The following UBAP2 variants were observed in gnomAD, a reference collection of about 807,000 sequenced individuals.
The protein encoded by UBAP2 is ubiquitin associated protein 2, also known as ubiquitin-associated protein 2.
In UBAP2, 75 loss-of-function variants were observed where a neutral mutation model predicts 139.6. That is an observed-to-expected ratio of 0.54 (90% confidence interval 0.45 to 0.65). The LOEUF (loss-of-function observed/expected upper bound fraction) is 0.65. Ranked by LOEUF, UBAP2 falls within the 30% of genes least tolerant of loss-of-function variation. The pLI, the probability that UBAP2 is intolerant of heterozygous loss-of-function variation, is 0.00. For synonymous variants in UBAP2, 526 were observed against 526.2 expected (o/e 1.00, Z 0.01); for missense variants, 1,368 against 1,369.6 (o/e 1.00, Z 0.02).
chr9:33,927,107 G>GTGAAA, intron 20 of UBAP2, 27 bp from the exon 21 acceptor site: 4 of 1,563,702 alleles, frequency 2.6e-6, no homozygotes, highest in Non-Finnish European at 3.5e-6. Context: ...ATCAAATGGA[G>GTGAAA]TGAAATGGTC....
chr9:34,044,486 G>A (rs1827394589), intron 1 of UBAP2, among the ~76,000 whole-genome samples: 1 of 151,900 alleles, frequency 6.6e-6, no homozygotes, highest in African/African-American at 2.4e-5. Flanking sequence ...AATCACTTAA[G>A]CCAGGGAGGC....
At chr9:33,954,667 T>C (rs1034912429) in intron 11 of UBAP2, among the ~76,000 whole-genome samples, 6 of 152,204 alleles carry the variant, frequency 3.9e-5, no homozygotes, top group Non-Finnish European at 5.9e-5. Context: ...CTCTCCCTTA[T>C]AGACTATAGC....
intron 16 of UBAP2, chr9:33,938,996 CAAGGGACACAAAT>C: frequency 2.4e-6 from 1 of 408,500 alleles, no homozygotes. Context: ...CCAAGACGGA[CAAGGGACACAAAT>C]ATTTTTCTAA....
At chr9:34,012,306 G>T (rs367981723) in intron 2 of UBAP2, among the ~76,000 whole-genome samples, 4 of 152,086 alleles carry the variant, frequency 2.6e-5, no homozygotes, top group Admixed American at 2.6e-4. Flanking sequence ...CAAGGCAGGC[G>T]GATCACCTAA....
At chr9:34,031,685 C>T (rs1050479467) in intron 1 of UBAP2, among the ~76,000 whole-genome samples, 11 of 151,890 alleles carry the variant, frequency 7.2e-5, no homozygotes, top group African/African-American at 2.7e-4. Context: ...GTATGTACCA[C>T]CATGCCCGGC....
chr9:34,017,565 T>A (rs563499158), intron 1 of UBAP2, among the ~76,000 whole-genome samples: 1 of 152,312 alleles, frequency 6.6e-6, no homozygotes, highest in East Asian at 1.9e-4. Flanking sequence ...AATAGCCCAA[T>A]TTAAAATGTG....
intron 8 of UBAP2, among the ~76,000 whole-genome samples, chr9:33,971,078 C>T (rs765018631): frequency 1.8e-4 from 28 of 152,200 alleles, no homozygotes; most frequent in Non-Finnish European, 3.2e-4. Context: ...GCTGGGATTA[C>T]AGGTGTGAGC....
At chr9:33,927,109 G>A in intron 20 of UBAP2, 29 bp from the exon 21 acceptor site, 1 of 1,555,214 alleles carries the variant, frequency 6.4e-7, no homozygotes, top group Non-Finnish European at 8.8e-7. Flanking sequence ...CAAATGGAGT[G>A]AAATGGTCAC....
intron 1 of UBAP2, among the ~76,000 whole-genome samples, chr9:34,018,405 G>A (rs1357066459): frequency 6.6e-6 from 1 of 150,994 alleles, no homozygotes; most frequent in South Asian, 2.1e-4. Context: ...CACTGCTGAT[G>A]GGAATTTAAA....
chr9:34,020,145 A>G lies in UBAP2; in HGVS notation c.-41-2956T>C, dbSNP rs1215629783. 7.2e-5 allele frequency among the ~76,000 whole-genome samples: 10 copies of G among 139,770 alleles called. No homozygotes were observed. In the East Asian group the frequency reaches 1.0e-3, roughly 14 times the overall value. 91.7% of individuals were successfully genotyped at this position (139,770 alleles called of 152,430 possible). On this transcript the variant is annotated intron_variant, in intron 1 of 28. Coordinates refer to ENST00000379238, the MANE Select transcript of UBAP2 (RefSeq NM_001370062.2). ...AGCTTGGGTGACAGAGGGAGACTCC[A>G]TTATTAAAAAAAAAAAAAAAAAAAA...
chr9:34,045,114 G>A (rs1172070915), intron 1 of UBAP2, among the ~76,000 whole-genome samples: 3 of 152,060 alleles, frequency 2.0e-5, no homozygotes, highest in Non-Finnish European at 4.4e-5. Context: ...TTGGGAGGCC[G>A]AGGCGGGCGG....
At chr9:34,037,653 AG>A (rs1203631615) in intron 1 of UBAP2, among the ~76,000 whole-genome samples, 2 of 152,200 alleles carry the variant, frequency 1.3e-5, no homozygotes, top group Non-Finnish European at 2.9e-5. Flanking sequence ...TAACAGCAGT[AG>A]TTATTTCTTG....
chr9:33,958,118 C>T (rs1407563551), intron 10 of UBAP2, among the ~76,000 whole-genome samples: 1 of 152,040 alleles, frequency 6.6e-6, no homozygotes, highest in Admixed American at 6.6e-5. Flanking sequence ...CCTGCCATCA[C>T]ACACAGCTAT....
intron 19 of UBAP2, among the ~76,000 whole-genome samples, chr9:33,929,915 A>G (rs1823815788): frequency 1.3e-5 from 2 of 152,148 alleles, no homozygotes; most frequent in African/African-American, 4.8e-5. Flanking sequence ...GAGGCAGGAG[A>G]ACTGCTTGAA....
At chr9:33,983,439 T>C (rs1197888700) in intron 6 of UBAP2, among the ~76,000 whole-genome samples, 2 of 152,100 alleles carry the variant, frequency 1.3e-5, no homozygotes, top group Non-Finnish European at 2.9e-5. Flanking sequence ...GAAAACCCTC[T>C]CCCTGGTAAG....
chr9:34,028,530 C>T (rs1311293432), intron 1 of UBAP2, among the ~76,000 whole-genome samples: 1 of 152,008 alleles, frequency 6.6e-6, no homozygotes, highest in Non-Finnish European at 1.5e-5. Flanking sequence ...CAGGCACCCG[C>T]CACCACGCCC....
intron 2 of UBAP2, among the ~76,000 whole-genome samples, chr9:34,013,967 T>C (rs995378623): frequency 1.3e-5 from 2 of 151,862 alleles, no homozygotes; most frequent in South Asian, 4.1e-4. Context: ...CTTCCCAGAA[T>C]AGGATTAATG....
chr9:34,018,255 G>A (rs1390004160), intron 1 of UBAP2, among the ~76,000 whole-genome samples: 2 of 142,038 alleles, frequency 1.4e-5, no homozygotes, highest in African/African-American at 5.2e-5. Context: ...TTAGACAGAA[G>A]AGCCGGGAAT....
chr9:33,924,645 A>G (rs139154948), intron 22 of UBAP2, among the ~76,000 whole-genome samples: 121 of 152,338 alleles, frequency 7.9e-4, no homozygotes, highest in Non-Finnish European at 1.0e-3. Context: ...AAAGCTGACT[A>G]AACAGAGCAG....
Sources: gnomAD v4.1 joint callset for allele counts (sites outside exome capture counted in the v4.1 genomes callset) on GRCh38, gnomAD v4.1.1 for gene constraint, MANE v1.5 for transcripts, NCBI Gene and HGNC (gene_info 2026-07-23, HGNC 2026-07-21) for gene names.